The following OSTN variants were observed in gnomAD, a reference collection of about 807,000 sequenced individuals.
OSTN encodes the protein osteocrin.
OSTN carries 9 observed loss-of-function variants against 12.0 expected under a neutral mutation model. That is an observed-to-expected ratio of 0.75 (90% CI 0.45 to 1.30). The LOEUF (loss-of-function observed/expected upper bound fraction) is 1.30. OSTN is among the 50% of genes most tolerant of loss of function. The probability of loss-of-function intolerance (pLI) is 0.00; values close to 1 mark genes in which losing one functional copy is unlikely to be tolerated. For missense variants in OSTN, 148 were observed against 152.3 expected, an observed-to-expected ratio of 0.97 and a Z score of 0.15; for synonymous variants, 59 against 56.9, an observed-to-expected ratio of 1.04 and a Z score of -0.16.
intron 4 of OSTN, among the ~76,000 whole-genome samples, chr3:191,262,032 C>T (rs538154419): frequency 4.5e-4 from 69 of 152,262 alleles, no homozygotes; most frequent in Non-Finnish European, 8.7e-4. Context: ...GCCCGGCGAA[C>T]ATGGTGAAAC....
intron 4 of OSTN, among the ~76,000 whole-genome samples, chr3:191,261,529 C>G (rs1715810779): frequency 6.6e-6 from 1 of 152,118 alleles, no homozygotes; most frequent in African/African-American, 2.4e-5. Context: ...ATTAGACTCT[C>G]AGTTAATCTT....
chr3:191,218,297 A>G (rs1179522641), intron 2 of OSTN, among the ~76,000 whole-genome samples: 1 of 152,074 alleles, frequency 6.6e-6, no homozygotes, highest in Admixed American at 6.6e-5. Context: ...GTCCCCAAAG[A>G]TCTAGCACTC....
chr3:191,235,625 C>A (rs1439578422), intron 3 of OSTN, among the ~76,000 whole-genome samples: 1 of 152,200 alleles, frequency 6.6e-6, no homozygotes, highest in African/African-American at 2.4e-5. Context: ...TACTCCTCTT[C>A]TGGCAGATCT....
chr3:191,239,356 C>T (rs912424127), intron 3 of OSTN, among the ~76,000 whole-genome samples: 1 of 152,130 alleles, frequency 6.6e-6, no homozygotes, highest in South Asian at 2.1e-4. Flanking sequence ...ACTGGGCATG[C>T]GCTATGGAGA....
At chr3:191,226,942 A>G (rs538982349) in intron 3 of OSTN, among the ~76,000 whole-genome samples, 6 of 152,286 alleles carry the variant, frequency 3.9e-5, no homozygotes, top group East Asian at 3.9e-4. Flanking sequence ...GAAGTTCTAC[A>G]TAGAGAAGGA....
At chr3:191,222,768 C>T (rs1189325182) in intron 3 of OSTN, among the ~76,000 whole-genome samples, 3 of 152,054 alleles carry the variant, frequency 2.0e-5, no homozygotes, top group African/African-American at 4.8e-5. Flanking sequence ...ATGATCCCCT[C>T]GTGTTATGGG....
At chr3:191,248,573 GA>G (rs142017262) in intron 3 of OSTN, among the ~76,000 whole-genome samples, 13,575 of 152,226 alleles carry the variant, frequency 0.089, 1,598 homozygotes, top group African/African-American at 0.27. Flanking sequence ...TTAAACTGCT[GA>G]AAATTAAGTT....
At position 191,233,065 on chromosome 3, in the gene OSTN, A is replaced by G. The variant is rs80000242; in HGVS notation, c.317+14104A>G. On this transcript the variant is annotated intron_variant, in intron 3 of 4. Coordinates refer to ENST00000682035, the MANE Select transcript of OSTN (RefSeq NM_198184.2). The stretch of plus-strand genomic sequence containing the variant: ...TACAAAACATATTATTTAATTCTAT[A>G]TTACTATAAAATATCAGAAAAGAAA... 3.9e-3 allele frequency among the ~76,000 whole-genome samples: 590 copies of G among 152,312 alleles called. 3 individuals are homozygous for G. The highest frequency in any genetic ancestry group is 0.013 in the African/African-American group (557 of 41,568).
At chr3:191,246,856 A>G (rs959598565) in intron 3 of OSTN, among the ~76,000 whole-genome samples, 3 of 152,010 alleles carry the variant, frequency 2.0e-5, no homozygotes, top group African/African-American at 7.2e-5. Flanking sequence ...CATGGCGGTT[A>G]AATCCTTAGA....
At chr3:191,224,080 A>G (rs1485993174) in intron 3 of OSTN, among the ~76,000 whole-genome samples, 1 of 152,198 alleles carries the variant, frequency 6.6e-6, no homozygotes, top group Non-Finnish European at 1.5e-5. Context: ...GAAAATAGAA[A>G]GAAATGTATT....
At chr3:191,262,262 G>A (rs148004799) in intron 4 of OSTN, among the ~76,000 whole-genome samples, 117 of 152,262 alleles carry the variant, frequency 7.7e-4, no homozygotes, top group South Asian at 1.2e-3. Flanking sequence ...ACCACTTGCT[G>A]GCACATCCAT....
intron 3 of OSTN, among the ~76,000 whole-genome samples, chr3:191,225,893 G>T (rs1028121646): frequency 3.9e-5 from 6 of 152,030 alleles, no homozygotes; most frequent in Admixed American, 3.3e-4. Flanking sequence ...ATAGGTGATG[G>T]ATTCACTAAA....
Position 191,250,067 on chromosome 3 carries a change from T to G in OSTN, c.348T>G (p.Phe116Leu). Residue 116 changes from phenylalanine to leucine, a missense_variant, in exon 4 of 5, where the codon TTT becomes TTG. Transcript: ENST00000682035. Reference protein sequence around the residue: ...RKVVDHPKRRFGIPMDRIGRN... With the variant: ...RKVVDHPKRRLGIPMDRIGRN... Reference sequence around the variant, plus strand: ...TAGTAGATCATCCAAAAAGGCGATTTGGTATCCCCATGGATCGGATTGGTA... The same window carrying G: ...TAGTAGATCATCCAAAAAGGCGATTGGGTATCCCCATGGATCGGATTGGTA... The G allele has an allele frequency of 6.2e-7, 1 of 1,613,882 alleles. No individual in the cohort carries two copies. Among genetic ancestry groups the G allele is most frequent in the Non-Finnish European group, 8.5e-7 (1 of 1,179,780 alleles).
intron 3 of OSTN, among the ~76,000 whole-genome samples, chr3:191,231,783 C>T (rs1225480275): frequency 1.3e-5 from 2 of 152,104 alleles, no homozygotes; most frequent in African/African-American, 4.8e-5. Context: ...TTAAAGATCA[C>T]ATACATCACT....
At chr3:191,248,137 G>A (rs537205649) in intron 3 of OSTN, among the ~76,000 whole-genome samples, 9 of 151,818 alleles carry the variant, frequency 5.9e-5, no homozygotes, top group Non-Finnish European at 1.2e-4. Context: ...CCGGGCCTCC[G>A]AGACCTTTAA....
At chr3:191,259,146 T>C (rs1715742478) in intron 4 of OSTN, among the ~76,000 whole-genome samples, 2 of 151,714 alleles carry the variant, frequency 1.3e-5, no homozygotes, top group African/African-American at 4.8e-5. Context: ...GTACCAAAAA[T>C]GGCAAAGAGG....
chr3:191,212,939 C>G lies in OSTN; in HGVS notation c.102+305C>G, dbSNP rs2108591167. On this transcript the variant is annotated intron_variant, in intron 2 of 4. Coordinates refer to ENST00000682035, the MANE Select transcript of OSTN (RefSeq NM_198184.2). Reference sequence around the variant, plus strand: ...AGGCTGGAGTGCAGTGGTGCAATCTCAGCTCACTGCAACTTCCACCTCCCA... The same window carrying G: ...AGGCTGGAGTGCAGTGGTGCAATCTGAGCTCACTGCAACTTCCACCTCCCA... Among the ~76,000 whole-genome samples the G allele has an allele frequency of 2.3e-5, 3 of 132,996 alleles. 1 individual carries two copies. Among genetic ancestry groups the G allele is most frequent in the East Asian group, 2.4e-4 (1 of 4,214 alleles). The allele number at this position is 132,996 out of a possible 152,430, so 87.3% of individuals were successfully genotyped here. A position where few individuals can be genotyped will look rare whatever the true frequency, so the allele number is the denominator to read the frequency against.
chr3:191,220,001 A>G (rs1453259676), intron 3 of OSTN, among the ~76,000 whole-genome samples: 1 of 152,184 alleles, frequency 6.6e-6, no homozygotes, highest in Non-Finnish European at 1.5e-5. Context: ...AGTCTGTGTG[A>G]AATGTTATCC....
intron 3 of OSTN, among the ~76,000 whole-genome samples, chr3:191,248,971 T>C (rs1169379310): frequency 1.3e-5 from 2 of 152,198 alleles, no homozygotes; most frequent in African/African-American, 4.8e-5. Flanking sequence ...TTATCTCTCA[T>C]TGCAAAAGTG....
Sources: allele counts gnomAD v4.1 joint callset (sites outside exome capture counted in the v4.1 genomes callset), GRCh38; gene constraint gnomAD v4.1.1; transcripts MANE v1.5; gene names NCBI Gene and HGNC (gene_info 2026-07-23, HGNC 2026-07-21).